Variants in ITGA4 observed in about 807,000 individuals in gnomAD.
ITGA4 encodes the protein integrin alpha-4.
ITGA4 carries 63 observed loss-of-function variants against 133.6 expected under a neutral mutation model. The ratio of observed to expected loss-of-function variants is 0.47; its 90% CI spans 0.38 to 0.58. ITGA4 has a LOEUF of 0.58. Among genes scored for constraint, ITGA4 ranks in the 20% least tolerant of loss-of-function variants. The pLI, the probability that ITGA4 is intolerant of heterozygous loss-of-function variation, is 0.00. For missense variants in ITGA4, 1,076 were observed against 1,252.7 expected (o/e 0.86, Z 2.13); for synonymous variants, 483 against 438.0 (o/e 1.10, Z -1.28).
At chr2:181,521,370 T>A (rs1686717383) in intron 17 of ITGA4, among the ~76,000 whole-genome samples, 1 of 152,198 alleles carries the variant, frequency 6.6e-6, no homozygotes, top group African/African-American at 2.4e-5. Flanking sequence ...GTTCCTTATG[T>A]CTCAAATACT....
At chr2:181,529,244 A>G (rs1686892240) in intron 22 of ITGA4, among the ~76,000 whole-genome samples, 1 of 133,224 alleles carries the variant, frequency 7.5e-6, no homozygotes, top group African/African-American at 2.6e-5. Flanking sequence ...ATACAAATAT[A>G]TATTGTTTAT....
chr2:181,488,109 G>A (rs368690194), intron 10 of ITGA4, among the ~76,000 whole-genome samples: 5 of 152,300 alleles, frequency 3.3e-5, no homozygotes, highest in African/African-American at 7.2e-5. Flanking sequence ...GCATCAAAAT[G>A]TCAATGACAA....
intron 11 of ITGA4, 34 bp from the exon 12 acceptor site, chr2:181,494,688 A>G (rs1686124193): frequency 8.7e-7 from 1 of 1,147,774 alleles, no homozygotes; most frequent in Non-Finnish European, 1.3e-6. Context: ...TAGTATTCAA[A>G]AACTACTTCC....
Position 181,495,230 on chromosome 2 carries a change from G to A in ITGA4, c.1340-141G>A. On this transcript the variant is annotated intron_variant, in intron 12 of 27. Transcript: ENST00000397033. The surrounding 1 kb of genome is among the most constrained non-coding windows in gnomAD (Gnocchi z 4.3). ...CAGAGAAAAGTGGAAAGAATCGTAA[G>A]ATGTTAGCATATATTCTCTAATTTT... The A allele has an allele frequency of 3.1e-6, 2 of 635,438 alleles. No homozygotes were observed. Among genetic ancestry groups the A allele is most frequent in the Non-Finnish European group, 5.6e-6 (2 of 355,396 alleles). The allele number at this position is 635,438 out of a possible 1,614,324, so 39.4% of individuals were successfully genotyped here.
chr2:181,490,027 C>A (rs1686012039), intron 10 of ITGA4, among the ~76,000 whole-genome samples: 1 of 152,116 alleles, frequency 6.6e-6, no homozygotes, highest in South Asian at 2.1e-4. Flanking sequence ...ATTGATTGAG[C>A]AAGCAGGGGG....
intron 11 of ITGA4, among the ~76,000 whole-genome samples, chr2:181,494,099 G>GA (rs1223997918): frequency 6.6e-6 from 1 of 152,094 alleles, no homozygotes; most frequent in African/African-American, 2.4e-5. Flanking sequence ...TTCTTAGCAC[G>GA]AATATCAGCT....
chr2:181,488,775 GT>G (rs1326618731), intron 10 of ITGA4, among the ~76,000 whole-genome samples: 2 of 152,066 alleles, frequency 1.3e-5, no homozygotes, highest in Non-Finnish European at 2.9e-5. Flanking sequence ...AACCAGGATG[GT>G]CTCTATCTCC....
chr2:181,514,651 C>T (rs546413700), intron 17 of ITGA4, among the ~76,000 whole-genome samples: 1 of 152,114 alleles, frequency 6.6e-6, no homozygotes, highest in South Asian at 2.1e-4. Flanking sequence ...GATAAGAAGA[C>T]GAGCTGTGTG....
chr2:181,529,733 G>T (rs921143360), intron 23 of ITGA4, 85 bp downstream of exon 23: 1 of 714,114 alleles, frequency 1.4e-6, no homozygotes, highest in Middle Eastern at 2.5e-4. Context: ...TTCGAGTAAT[G>T]ATGTGAAAAT....
chr2:181,522,066 GT>G, intron 17 of ITGA4, 124 bp from the exon 18 acceptor site: 1 of 497,378 alleles, frequency 2.0e-6, no homozygotes, highest in Non-Finnish European at 3.4e-6. Context: ...TCCCATGATT[GT>G]TTTTCCAAGA....
intron 16 of ITGA4, 65 bp downstream of exon 16, chr2:181,509,872 TA>T (rs1205538416): frequency 3.2e-6 from 4 of 1,241,232 alleles, no homozygotes; most frequent in African/African-American, 3.0e-5. Context: ...AAATATGGCA[TA>T]ATTCTGAAGA....
rs1687316914 is a variant in ITGA4 at position 181,538,495 on chromosome 2, TGCC to T, written c.*2969_*2971del. Among the ~76,000 whole-genome samples, 6 of 151,822 alleles carry T rather than the reference TGCC, an allele frequency of 4.0e-5. No individual in the cohort carries two copies. The highest frequency in any genetic ancestry group is 1.5e-4 in the African/African-American group (6 of 41,372). On this transcript the variant is annotated 3_prime_UTR_variant, in exon 28 of 28. Coordinates refer to ENST00000397033, the MANE Select transcript of ITGA4 (RefSeq NM_000885.6). ...ATTACCTCTGTAAAACAGTCAGTTA[TGCC>T]TCTAGAACACCCATGTCTAGTGGGC...
In ITGA4 at chr2:181,534,821, A is replaced by G. The variant is rs1687023478; in HGVS notation, c.2889A>G (p.Leu963=). Residue 963 remains leucine, a synonymous_variant, in exon 27 of 28, where the codon CTA becomes CTG. Coordinates refer to ENST00000397033, the MANE Select transcript of ITGA4 (RefSeq NM_000885.6). ...ATTTTTCTTAACTCACGTAGGTTCT[A>G]CTGGAAGGACTACATCATCAAAGAC... is the stretch of plus-strand genomic sequence containing the variant. ...LNKDENVAHV[L]LEGLHHQRPK... is the part of the protein sequence containing the mutation. 4.4e-6 allele frequency: 7 copies of G among 1,585,532 alleles called. No individual in the cohort carries two copies. The highest frequency in any genetic ancestry group is 6.0e-6 in the Non-Finnish European group (7 of 1,171,756).
At chr2:181,505,460 C>G (rs1336647449) in intron 15 of ITGA4, among the ~76,000 whole-genome samples, 1 of 151,824 alleles carries the variant, frequency 6.6e-6, no homozygotes, top group African/African-American at 2.4e-5. Context: ...TTGTGGGCAC[C>G]CTATTTTATG....
rs201838862 is a variant in ITGA4 at position 181,481,641 on chromosome 2, C to T, written c.798C>T (p.Thr266=). 4.8e-5 allele frequency: 76 copies of T among 1,598,226 alleles called. No homozygotes were observed. Among genetic ancestry groups the T allele is most frequent in the Non-Finnish European group, 4.4e-5 (51 of 1,168,350 alleles). The change falls in exon 7 of 28, where the codon ACC becomes ACT. Residue 266 remains threonine, a synonymous_variant. Transcript: ENST00000397033. ...GAGHFRSQHT[T]EVVGGAPQHE... is the part of the protein sequence containing the mutation. ...GTCATTTTCGGAGCCAGCATACTAC[C>T]GAAGTAGTCGGAGGAGCTCCTCAAC...
intron 22 of ITGA4, among the ~76,000 whole-genome samples, chr2:181,528,636 C>A (rs1368992715): frequency 3.9e-5 from 6 of 152,150 alleles, no homozygotes; most frequent in Non-Finnish European, 7.3e-5. Flanking sequence ...CTGACATTTC[C>A]TGCTGCAACT....
chr2:181,503,824 G>GA (rs5836793), intron 15 of ITGA4, among the ~76,000 whole-genome samples: 148,658 of 152,066 alleles, frequency 0.98, 72,768 homozygotes, highest in Middle Eastern at 1. Flanking sequence ...GTAAGTATAT[G>GA]AAAATCTTTG....
chr2:181,499,437 G>A (rs1396970186), intron 15 of ITGA4, among the ~76,000 whole-genome samples: 3 of 152,080 alleles, frequency 2.0e-5, no homozygotes, highest in Middle Eastern at 3.2e-3. Flanking sequence ...ATATGAAGCT[G>A]TGCCAGGTCT....
Position 181,537,460 on chromosome 2 carries a change from C to A in ITGA4, c.*1933C>A, listed in dbSNP as rs1687200726. 2 of 449,048 alleles carry A rather than the reference C, an allele frequency of 4.5e-6. No homozygotes were observed. The highest frequency in any genetic ancestry group is 4.7e-5 in the Admixed American group (2 of 42,312). 27.8% of individuals were successfully genotyped at this position (449,048 alleles called of 1,614,324 possible). ...TTGTATCATGAATTTTAAAACCCTA[C>A]CACTTTAAGAAGACAGGGATGGGTT... On this transcript the variant is annotated 3_prime_UTR_variant, in exon 28 of 28. Transcript: ENST00000397033.
Sources: allele counts gnomAD v4.1 joint callset (sites outside exome capture counted in the v4.1 genomes callset), GRCh38; gene constraint gnomAD v4.1.1; non-coding constraint Gnocchi (gnomAD v3.1); transcripts MANE v1.5; gene names NCBI Gene and HGNC (gene_info 2026-07-23, HGNC 2026-07-21).